CCDC7: variants seen among roughly 807,000 people sequenced by gnomAD.
The protein encoded by CCDC7 is coiled-coil domain-containing protein 7.
Under a neutral mutation model 196.9 loss-of-function variants are expected in CCDC7, and 183 were observed. The ratio of observed to expected loss-of-function variants is 0.93; its 90% CI spans 0.82 to 1.05. The LOEUF (loss-of-function observed/expected upper bound fraction) is 1.05, where lower values mean the gene tolerates loss of function less well. Among genes scored for constraint, CCDC7 ranks in the 50% least tolerant of loss-of-function variants. The pLI is 0.00. For synonymous variants in CCDC7, 525 were observed against 484.6 expected, an observed-to-expected ratio of 1.08 and a Z score of -1.10; for missense variants, 1,540 against 1,482.2, an observed-to-expected ratio of 1.04 and a Z score of -0.64.
chr10:32,624,088 TTCTC>T (rs2063707811), intron 18 of CCDC7, among the ~76,000 whole-genome samples: 1 of 152,156 alleles, frequency 6.6e-6, no homozygotes, highest in African/African-American at 2.4e-5. Context: ...ACTGCTTACT[TTCTC>T]TCACAATCCT....
intron 28 of CCDC7, among the ~76,000 whole-genome samples, chr10:32,730,427 T>C (rs1006257279): frequency 6.6e-6 from 1 of 152,078 alleles, no homozygotes; most frequent in African/African-American, 2.4e-5. Context: ...ATCATACATT[T>C]TTCCTTAGCA....
At chr10:32,634,975 T>C (rs1051212652) in intron 19 of CCDC7, 82 bp from the exon 21 acceptor site, 15 of 396,294 alleles carry the variant, frequency 3.8e-5, no homozygotes, top group African/African-American at 2.7e-4. Flanking sequence ...CCTATTCCAT[T>C]AATTTTACAC....
At chr10:32,854,613 C>T (rs1296781518) in intron 41 of CCDC7, 124 bp downstream of exon 42, 1 of 596,812 alleles carries the variant, frequency 1.7e-6, no homozygotes, top group Non-Finnish European at 2.9e-6. Flanking sequence ...ATGGGTGAGG[C>T]ATGGTTTCCC....
upstream of CCDC7, among the ~76,000 whole-genome samples, chr10:32,451,167 G>A (rs1592728546): frequency 6.6e-6 from 1 of 152,148 alleles, no homozygotes; most frequent in East Asian, 1.9e-4. Flanking sequence ...TAGAAAAGAA[G>A]CAAGATTTGT....
At chr10:32,729,957 C>T (rs758250629) in intron 28 of CCDC7, among the ~76,000 whole-genome samples, 5 of 151,936 alleles carry the variant, frequency 3.3e-5, no homozygotes, top group South Asian at 2.1e-4. Flanking sequence ...CTATGTCTAT[C>T]GTAAGAAACT....
chr10:32,731,476 T>G (rs1160725215), intron 28 of CCDC7, among the ~76,000 whole-genome samples: 1 of 152,196 alleles, frequency 6.6e-6, no homozygotes, highest in African/African-American at 2.4e-5. Flanking sequence ...GATTACTTTC[T>G]ATTTTATTTC....
At chr10:32,571,218 A>G (rs1322056433) in intron 15 of CCDC7, among the ~76,000 whole-genome samples, 2 of 152,170 alleles carry the variant, frequency 1.3e-5, no homozygotes, top group African/African-American at 2.4e-5. Context: ...CATGTTGGCC[A>G]TGGTAGTCTT....
chr10:32,579,012 T>C (rs1055687120), intron 16 of CCDC7, among the ~76,000 whole-genome samples: 2 of 152,232 alleles, frequency 1.3e-5, no homozygotes, highest in Admixed American at 1.3e-4. Flanking sequence ...TTGTCCCACA[T>C]TGAAAATGTG....
chr10:32,831,075 A>G (rs1025344456), intron 32 of CCDC7, among the ~76,000 whole-genome samples: 1 of 152,194 alleles, frequency 6.6e-6, no homozygotes, highest in Non-Finnish European at 1.5e-5. Context: ...TAGGTGGTAT[A>G]GCTTTCTACA....
chr10:32,485,858 GAGAC>G (rs1209978272), intron 8 of CCDC7, among the ~76,000 whole-genome samples: 4 of 152,328 alleles, frequency 2.6e-5, no homozygotes, highest in Admixed American at 6.5e-5. Flanking sequence ...TGTGGTCTGA[GAGAC>G]AGTTTGTTAT....
intron 13 of CCDC7, among the ~76,000 whole-genome samples, chr10:32,560,621 T>C (rs1261012034): frequency 6.6e-6 from 1 of 152,280 alleles, no homozygotes; most frequent in Non-Finnish European, 1.5e-5. Flanking sequence ...AAGCAAATGC[T>C]GAGAGATTTT....
chr10:32,476,565 G>C (rs756187932), intron 8 of CCDC7, among the ~76,000 whole-genome samples: 1 of 151,426 alleles, frequency 6.6e-6, no homozygotes, highest in Non-Finnish European at 1.5e-5. Flanking sequence ...CAGCTCAATT[G>C]GGTAAACACA....
chr10:32,870,657 G>A (rs1276688321), intron 41 of CCDC7, among the ~76,000 whole-genome samples: 3 of 152,084 alleles, frequency 2.0e-5, no homozygotes, highest in East Asian at 3.9e-4. Context: ...ATGAGAGAGG[G>A]CATCCCTGTC....
At chr10:32,814,169 G>A (rs562279365) in intron 30 of CCDC7, among the ~76,000 whole-genome samples, 4 of 152,176 alleles carry the variant, frequency 2.6e-5, no homozygotes, top group African/African-American at 7.2e-5. Context: ...TGTTGGCCAG[G>A]ATGGTCTCGA....
intron 21 of CCDC7, among the ~76,000 whole-genome samples, chr10:32,671,977 G>T (rs918908595): frequency 6.6e-6 from 1 of 152,154 alleles, no homozygotes; most frequent in African/African-American, 2.4e-5. Context: ...TCTCAGTGAG[G>T]AAGTTTTGCT....
At chr10:32,567,719 A>G (rs770610218) in exon 15 of CCDC7, 3 of 1,613,526 alleles carry the variant, frequency 1.9e-6, no homozygotes, top group South Asian at 2.2e-5. Context: ...AATCAAGAGA[A>G]GTTACTTAAA....
chr10:32,512,409 A>G (rs1589381593), intron 9 of CCDC7: 1 of 152,254 alleles, frequency 6.6e-6, no homozygotes, highest in African/African-American at 2.4e-5. Context: ...ATGCATCACA[A>G]ATAGTCACCT....
At chr10:32,760,332 C>T (rs2077234592) in intron 28 of CCDC7, among the ~76,000 whole-genome samples, 1 of 152,044 alleles carries the variant, frequency 6.6e-6, no homozygotes, top group African/African-American at 2.4e-5. Context: ...ATAGCAAAGA[C>T]TTGGAACCAA....
intron 24 of CCDC7, among the ~76,000 whole-genome samples, chr10:32,710,074 C>G (rs1268438236): frequency 6.6e-6 from 1 of 152,188 alleles, no homozygotes; most frequent in East Asian, 1.9e-4. Flanking sequence ...CCTTCTCATT[C>G]TCTGACTTTG....
Sources: gnomAD v4.1 joint callset for allele counts (sites outside exome capture counted in the v4.1 genomes callset) on GRCh38, gnomAD v4.1.1 for gene constraint, MANE v1.5 for transcripts, NCBI Gene and HGNC (gene_info 2026-07-23, HGNC 2026-07-21) for gene names.